Variants in KCNMB2 observed in about 807,000 individuals in gnomAD.
KCNMB2 encodes the protein calcium-activated potassium channel subunit beta-2.
KCNMB2 carries 9 observed loss-of-function variants against 24.5 expected under a neutral mutation model. The ratio of observed to expected loss-of-function variants is 0.37; its 90% CI spans 0.22 to 0.64. The LOEUF (loss-of-function observed/expected upper bound fraction) is 0.64. Among genes scored for constraint, KCNMB2 ranks in the 30% least tolerant of loss-of-function variants. KCNMB2 has a pLI of 0.63. For synonymous variants in KCNMB2, 109 were observed against 104.4 expected (o/e 1.04, Z -0.27); for missense variants, 226 against 284.3 (o/e 0.79, Z 1.47).
At chr3:178,635,090 C>T (rs1410433171) in intron 1 of KCNMB2, among the ~76,000 whole-genome samples, 1 of 152,086 alleles carries the variant, frequency 6.6e-6, no homozygotes, top group East Asian at 1.9e-4. Context: ...GGGGGCAGCA[C>T]CGCAGACAAG....
chr3:178,540,128 C>G (rs1470125482), intron 1 of KCNMB2, among the ~76,000 whole-genome samples: 1 of 152,122 alleles, frequency 6.6e-6, no homozygotes, highest in Non-Finnish European at 1.5e-5. Context: ...TATTTTTCTC[C>G]ATCTGTGTAA....
chr3:178,717,269 A>G (rs1457428042), intron 1 of KCNMB2, among the ~76,000 whole-genome samples: 1 of 151,980 alleles, frequency 6.6e-6, no homozygotes, highest in East Asian at 1.9e-4. Flanking sequence ...CACTGTGTTC[A>G]TGAACCATTT....
In KCNMB2 at chr3:178,705,173, C is replaced by T. The variant is rs13315024; in HGVS notation, c.-67-102170C>T. Among the ~76,000 whole-genome samples the T allele has an allele frequency of 6.8e-3, 1,038 of 152,228 alleles. 11 individuals carry two copies. The highest frequency in any genetic ancestry group is 0.024 in the African/African-American group (977 of 41,534). ...ATCCTGGGAACCTGCCCACCCACTA[C>T]ATCCCTATACAGCCCTTCTGGTAGC... On this transcript the variant is annotated intron_variant, in intron 1 of 4. Transcript: ENST00000452583.
intron 1 of KCNMB2, among the ~76,000 whole-genome samples, chr3:178,596,336 T>A (rs6766905): frequency 0.037 from 5,700 of 152,232 alleles, 368 homozygotes; most frequent in African/African-American, 0.13. Flanking sequence ...TTGCTCATGT[T>A]ATCTAAGCTG....
At chr3:178,757,200 G>A (rs1445291678) in intron 1 of KCNMB2, 1 of 138,310 alleles carries the variant, frequency 7.2e-6, no homozygotes, top group Non-Finnish European at 1.6e-5. Flanking sequence ...AAAAAAAACA[G>A]TTACAATCAA....
At chr3:178,664,416 G>A (rs12106711) in intron 1 of KCNMB2, among the ~76,000 whole-genome samples, 4,198 of 152,152 alleles carry the variant, frequency 0.028, 179 homozygotes, top group African/African-American at 0.095. Context: ...AATGACAGAG[G>A]GGATGATTCT....
At chr3:178,728,970 T>A (rs142846574) in intron 1 of KCNMB2, among the ~76,000 whole-genome samples, 1 of 152,140 alleles carries the variant, frequency 6.6e-6, no homozygotes, top group Non-Finnish European at 1.5e-5. Flanking sequence ...TAGCTCTACT[T>A]AACTCTTTAG....
intron 1 of KCNMB2, among the ~76,000 whole-genome samples, chr3:178,693,833 T>C (rs1721769768): frequency 6.6e-6 from 1 of 152,172 alleles, no homozygotes; most frequent in Non-Finnish European, 1.5e-5. Flanking sequence ...CAGCTCTTCT[T>C]TGTACATCTG....
intron 2 of KCNMB2, among the ~76,000 whole-genome samples, chr3:178,814,991 A>G (rs1465643299): frequency 6.6e-6 from 1 of 151,516 alleles, no homozygotes; most frequent in African/African-American, 2.4e-5. Context: ...CCCATTTGTC[A>G]ATTTTTGGTT....
At chr3:178,551,436 G>A (rs889057403) in intron 1 of KCNMB2, among the ~76,000 whole-genome samples, 4 of 152,162 alleles carry the variant, frequency 2.6e-5, no homozygotes, top group Non-Finnish European at 5.9e-5. Context: ...CTCTTCTAAT[G>A]TAAACTGCAG....
chr3:178,679,763 G>C (rs115442533), intron 1 of KCNMB2, among the ~76,000 whole-genome samples: 377 of 152,090 alleles, frequency 2.5e-3, no homozygotes, highest in African/African-American at 8.4e-3. Flanking sequence ...ATGCCCAAAG[G>C]CCTGGAAAGA....
intron 1 of KCNMB2, among the ~76,000 whole-genome samples, chr3:178,599,722 A>G (rs1202267015): frequency 1.3e-5 from 2 of 152,152 alleles, no homozygotes; most frequent in Non-Finnish European, 2.9e-5. Context: ...TTTTCCTCTT[A>G]CAAAACTGAA....
At chr3:178,547,605 TACTTG>T (rs1237102880) in intron 1 of KCNMB2, among the ~76,000 whole-genome samples, 2 of 152,174 alleles carry the variant, frequency 1.3e-5, no homozygotes, top group African/African-American at 4.8e-5. Context: ...ATCCTCTCTT[TACTTG>T]ACTTGAATTA....
intron 1 of KCNMB2, among the ~76,000 whole-genome samples, chr3:178,568,789 AGATAGATAGATAGATAGATAGATAGAT>A (rs1309232668): frequency 0.035 from 2,982 of 84,288 alleles, 92 homozygotes; most frequent in South Asian, 0.06. Context: ...ATAGATAGAT[AGATAGATAGATAGATAGATAGATAGAT>A]AATAGATAGA....
At chr3:178,619,746 A>C (rs1430572680) in intron 1 of KCNMB2, among the ~76,000 whole-genome samples, 1 of 152,218 alleles carries the variant, frequency 6.6e-6, no homozygotes, top group Non-Finnish European at 1.5e-5. Context: ...GAAATTGCCA[A>C]AAATAAAAAT....
intron 1 of KCNMB2, among the ~76,000 whole-genome samples, chr3:178,750,814 G>A (rs568362772): frequency 4.0e-4 from 59 of 147,832 alleles, no homozygotes; most frequent in Admixed American, 1.2e-3. Flanking sequence ...GTCCTAAAGA[G>A]ATGAATAATA....
rs200613333 is a variant in KCNMB2, at chr3:178,655,091, TCTCC to T, written c.-68+118384_-68+118387del. Among the ~76,000 whole-genome samples the T allele has an allele frequency of 3.2e-3, 371 of 116,952 alleles. 1 individual carries two copies. The highest frequency in any genetic ancestry group is 0.012 in the African/African-American group (307 of 26,030). The allele number at this position is 116,952 out of a possible 152,430, so 76.7% of individuals were successfully genotyped here. On this transcript the variant is annotated intron_variant, in intron 1 of 4. Transcript: ENST00000452583. ...AGTGTAAAGTTCAGTAAATATTAGC[TCTCC>T]CTCTCTCTCTCTCTCTCTCTCTCTC...
intron 1 of KCNMB2, among the ~76,000 whole-genome samples, chr3:178,635,925 A>G (rs1719504038): frequency 6.6e-6 from 1 of 152,228 alleles, no homozygotes; most frequent in South Asian, 2.1e-4. Flanking sequence ...TTATTAACCA[A>G]AAGCCAGAGT....
At position 178,681,963 on chromosome 3, in the gene KCNMB2, C is replaced by A. The variant is rs545229218; in HGVS notation, c.-67-125380C>A. 6.6e-5 allele frequency among the ~76,000 whole-genome samples: 10 copies of A among 152,250 alleles called. No individual in the cohort carries two copies. In the South Asian group the frequency reaches 2.1e-3, roughly 32 times the overall value. ...CTCACCACTCTCAGTATCCCCAAGG[C>A]TTTTGGTCCTAAGGTTTGTTTAAAT... On this transcript the variant is annotated intron_variant, in intron 1 of 4. Transcript: ENST00000452583.
Sources: allele counts gnomAD v4.1 joint callset (sites outside exome capture counted in the v4.1 genomes callset), GRCh38; gene constraint gnomAD v4.1.1; transcripts MANE v1.5; gene names NCBI Gene and HGNC (gene_info 2026-07-23, HGNC 2026-07-21).